Variants in ADAT2 observed in about 807,000 individuals in gnomAD.
ADAT2 encodes tRNA-specific adenosine-34 deaminase catalytic subunit ADAT2.
A neutral mutation model predicts 25.9 loss-of-function variants in ADAT2; 26 were observed. The ratio of observed to expected loss-of-function variants is 1.00; its 90% confidence interval spans 0.74 to 1.39. The LOEUF is 1.39. Among genes scored for constraint, ADAT2 ranks in the 40% most tolerant of loss-of-function variants. The probability of loss-of-function intolerance (pLI) is 0.00; values close to 1 mark genes in which losing one functional copy is unlikely to be tolerated. For missense variants in ADAT2, 220 were observed against 244.8 expected, an observed-to-expected ratio of 0.90 and a Z score of 0.68; for synonymous variants, 76 against 86.8, an observed-to-expected ratio of 0.88 and a Z score of 0.69.
Position 143,425,216 on chromosome 6 carries a change from T to G in ADAT2, c.*3247A>C, listed in dbSNP as rs531380281. The G allele has an allele frequency of 3.3e-5, 5 of 152,152 alleles. No homozygotes were observed. The highest frequency in any genetic ancestry group is 1.2e-4 in the African/African-American group (5 of 41,506). The allele number at this position is 152,152 out of a possible 1,614,324, so 9.4% of individuals were successfully genotyped here. A position where few individuals can be genotyped will look rare whatever the true frequency, so the allele number is the denominator to read the frequency against. ...GAAAGCCAGTGAAAATGTTCTAGAC[T>G]AAAAGAAGCTAAAGGCAGACCGGTG... On this transcript the variant is annotated 3_prime_UTR_variant, in exon 6 of 6. Coordinates refer to ENST00000237283, the MANE Select transcript of ADAT2 (RefSeq NM_182503.3).
rs1778896626 is a variant in ADAT2 at position 143,425,336 on chromosome 6, G to A, written c.*3127C>T. Reference sequence around the variant, plus strand: ...TCAAGACCAGCCTGGGCAACATAGTGAGACCTTGTCTCTACAAAAAAAAAA... The same window carrying A: ...TCAAGACCAGCCTGGGCAACATAGTAAGACCTTGTCTCTACAAAAAAAAAA... On this transcript the variant is annotated 3_prime_UTR_variant, in exon 6 of 6. Coordinates refer to ENST00000237283, the MANE Select transcript of ADAT2 (RefSeq NM_182503.3). The A allele has an allele frequency of 7.0e-6, 1 of 142,426 alleles. No homozygotes were observed. The highest frequency in any genetic ancestry group is 2.8e-5 in the African/African-American group (1 of 35,390). The allele number at this position is 142,426 out of a possible 1,614,324, so 8.8% of individuals were successfully genotyped here.
At position 143,444,666 on chromosome 6, in the gene ADAT2, C is replaced by T. The variant is rs1043539681; in HGVS notation, c.96+5897G>A. The T allele has an allele frequency of 3.7e-5, 6 of 160,550 alleles. No homozygotes were observed. The highest frequency in any genetic ancestry group is 3.5e-4 in the South Asian group (2 of 5,682). The allele number at this position is 160,550 out of a possible 1,614,324, so 9.9% of individuals were successfully genotyped here. A position where few individuals can be genotyped will look rare whatever the true frequency, so the allele number is the denominator to read the frequency against. ...ATCAGATACTATTTAAAAATGGCTA[C>T]AAGGTTTTTCATAAAGTAACAAATG... On this transcript the variant is annotated intron_variant, in intron 1 of 5. Coordinates refer to ENST00000237283, the MANE Select transcript of ADAT2 (RefSeq NM_182503.3). The surrounding 1 kb of genome is among the most constrained non-coding windows in gnomAD (Gnocchi z 4.3).
rs1554279355 is a variant in ADAT2, at chr6:143,442,476, T to TACACATACAC, written c.97-3783_97-3782insGTGTATGTGT. Among the ~76,000 whole-genome samples the TACACATACAC allele has an allele frequency of 7.0e-6, 1 of 142,144 alleles. No homozygotes were observed. The highest frequency in any genetic ancestry group is 2.1e-4 in the East Asian group (1 of 4,828). 93.3% of individuals were successfully genotyped at this position (142,144 alleles called of 152,430 possible). A position where few individuals can be genotyped will look rare whatever the true frequency, so the allele number is the denominator to read the frequency against. ...CATGACAAAATTGCATAGGCACGCA[T>TACACATACAC]ACACACACACACACACACACACACA... On this transcript the variant is annotated intron_variant, in intron 1 of 5. Transcript: ENST00000237283. This position sits in a 1 kb window ranked among gnomAD's most constrained non-coding sequence, Gnocchi z 4.6.
Position 143,434,005 on chromosome 6 carries a change from C to T in ADAT2, c.202-24G>A, listed in dbSNP as rs769869468. The T allele has an allele frequency of 6.2e-7, 1 of 1,612,410 alleles. No individual in the cohort carries two copies. The highest frequency in any genetic ancestry group is 8.5e-7 in the Non-Finnish European group (1 of 1,179,582). On this transcript the variant is annotated intron_variant, in intron 2 of 5. Coordinates refer to ENST00000237283, the MANE Select transcript of ADAT2 (RefSeq NM_182503.3). The surrounding 1 kb of genome is among the most constrained non-coding windows in gnomAD (Gnocchi z 4.5). ...GCCTGAAAAGAGAAAGGGGCTTGCA[C>T]TGATGCTGTTTGCTTCATGTGACTA...
chr6:143,435,934 T>G (rs1779260924), intron 2 of ADAT2, among the ~76,000 whole-genome samples: 1 of 152,206 alleles, frequency 6.6e-6, no homozygotes, highest in African/African-American at 2.4e-5. Context: ...AATTTAAAAA[T>G]GTTAATTCTA....
chr6:143,437,444 A>G lies in ADAT2; in HGVS notation c.201+1146T>C, dbSNP rs1779322150. ...TCCTTTTATTTTCACTTCCCTTGTA[A>G]TATTAGTCTCTCTGTTACTGATTTC... On this transcript the variant is annotated intron_variant, in intron 2 of 5. Coordinates refer to ENST00000237283, the MANE Select transcript of ADAT2 (RefSeq NM_182503.3). This position sits in a 1 kb window ranked among gnomAD's most constrained non-coding sequence, Gnocchi z 4.1. 6.6e-6 allele frequency among the ~76,000 whole-genome samples: 1 copy of G among 152,016 alleles called. No individual in the cohort carries two copies. Among genetic ancestry groups the G allele is most frequent in the East Asian group, 1.9e-4 (1 of 5,180 alleles).
chr6:143,428,685 C>T lies in ADAT2; in HGVS notation c.460-1G>A. 2 of 1,613,800 alleles carry T rather than the reference C, an allele frequency of 1.2e-6. No individual in the cohort carries two copies. Among genetic ancestry groups the T allele is most frequent in the Non-Finnish European group, 1.7e-6 (2 of 1,179,888 alleles). On this transcript the variant is annotated splice_acceptor_variant, in intron 4 of 5. Transcript: ENST00000237283. LOFTEE classifies it high-confidence loss of function. This position sits in a 1 kb window ranked among gnomAD's most constrained non-coding sequence, Gnocchi z 5.0. ...CCTCAGCCCGATATCCAGGGATACA[C>T]TGATGGAATGAGAAAGTTGAGAATA... is the stretch of plus-strand genomic sequence containing the variant.
chr6:143,431,136 A>G (rs1057262356), intron 4 of ADAT2, among the ~76,000 whole-genome samples: 5 of 152,220 alleles, frequency 3.3e-5, no homozygotes. Flanking sequence ...TAAAAAAACC[A>G]TAATTTGGCA....
intron 3 of ADAT2, 95 bp downstream of exon 3, chr6:143,433,736 T>C: frequency 7.7e-7 from 1 of 1,294,476 alleles, no homozygotes; most frequent in Non-Finnish European, 1.0e-6. Flanking sequence ...TTCCTAAGTC[T>C]GTGTTTTCAT....
rs917803343 is a variant in ADAT2 at position 143,444,535 on chromosome 6, A to G, written c.97-5841T>C. On this transcript the variant is annotated intron_variant, in intron 1 of 5. Transcript: ENST00000237283. This position sits in a 1 kb window ranked among gnomAD's most constrained non-coding sequence, Gnocchi z 4.3. Reference sequence around the variant, plus strand: ...CCCAACAACTCTACTGTCAAGTCTGATCACTTCTTCACAAATGCAAAAAAG... The same window carrying G: ...CCCAACAACTCTACTGTCAAGTCTGGTCACTTCTTCACAAATGCAAAAAAG... The G allele has an allele frequency of 1.3e-5, 2 of 154,196 alleles. No homozygotes were observed. Among genetic ancestry groups the G allele is most frequent in the African/African-American group, 4.8e-5 (2 of 41,460 alleles). The allele number at this position is 154,196 out of a possible 1,614,324, so 9.6% of individuals were successfully genotyped here. A position where few individuals can be genotyped will look rare whatever the true frequency, so the allele number is the denominator to read the frequency against.
rs1164834310 is a variant in ADAT2, at chr6:143,442,289, A to C, written c.97-3595T>G. ...ATGGATCTCATGGGAATCATGCTGA[A>C]TGGAGAAAGCCAAGCCAAATGGTTA... On this transcript the variant is annotated intron_variant, in intron 1 of 5. Transcript: ENST00000237283. This position sits in a 1 kb window ranked among gnomAD's most constrained non-coding sequence, Gnocchi z 4.6. 6.6e-6 allele frequency among the ~76,000 whole-genome samples: 1 copy of C among 152,140 alleles called. No homozygotes were observed. Among genetic ancestry groups the C allele is most frequent in the African/African-American group, 2.4e-5 (1 of 41,400 alleles).
Position 143,428,650 on chromosome 6 carries a change from T to C in ADAT2, c.494A>G (p.Glu165Gly), listed in dbSNP as rs1437306969. The change falls in exon 5 of 6, where the codon GAA becomes GGA. Residue 165 changes from glutamate to glycine, a missense_variant. Transcript: ENST00000237283. This position sits in a 1 kb window ranked among gnomAD's most constrained non-coding sequence, Gnocchi z 5.0. ...TTGTTTGTAGAAGGTCTTTAACATTTCCACTGCTTCCTCAGCCCGATATCC... is the reference window on the plus strand; with the variant it reads ...TTGTTTGTAGAAGGTCTTTAACATTCCCACTGCTTCCTCAGCCCGATATCC... ...IPGYRAEEAV[E>G]MLKTFYKQEN... 2 of 1,613,966 alleles carry C rather than the reference T, an allele frequency of 1.2e-6. No homozygotes were observed. Among genetic ancestry groups the C allele is most frequent in the African/African-American group, 2.7e-5 (2 of 74,932 alleles).
intron 1 of ADAT2, among the ~76,000 whole-genome samples, chr6:143,438,928 A>T (rs1779375235): frequency 2.0e-5 from 3 of 152,168 alleles, no homozygotes; most frequent in Non-Finnish European, 4.4e-5. Context: ...AGAGCCCCTG[A>T]TGTCTTCTCA....
intron 3 of ADAT2, 65 bp downstream of exon 3, chr6:143,433,766 G>T: frequency 6.8e-7 from 1 of 1,475,066 alleles, no homozygotes; most frequent in Non-Finnish European, 9.1e-7. Context: ...AACAGGCTAC[G>T]TGTTTGGCCA....
intron 1 of ADAT2, among the ~76,000 whole-genome samples, chr6:143,445,922 T>A (rs1356600122): frequency 6.6e-6 from 1 of 152,062 alleles, no homozygotes. Flanking sequence ...ATGCACACTA[T>A]AAAAAAATAC....
At position 143,434,560 on chromosome 6, in the gene ADAT2, T is replaced by A. The variant is rs1226150037; in HGVS notation, c.202-579A>T. Among the ~76,000 whole-genome samples, 1 of 152,224 alleles carries A rather than the reference T, an allele frequency of 6.6e-6. No homozygotes were observed. Among genetic ancestry groups the A allele is most frequent in the Non-Finnish European group, 1.5e-5 (1 of 68,044 alleles). On this transcript the variant is annotated intron_variant, in intron 2 of 5. Transcript: ENST00000237283. The surrounding 1 kb of genome is among the most constrained non-coding windows in gnomAD (Gnocchi z 4.5). Reference sequence around the variant, plus strand: ...GGAGAAATCACATAGCATGTGGAAGTGACTCCATTTAAATTTGAATTTTGA... The same window carrying A: ...GGAGAAATCACATAGCATGTGGAAGAGACTCCATTTAAATTTGAATTTTGA...
chr6:143,443,995 C>A (rs953414080), intron 1 of ADAT2, among the ~76,000 whole-genome samples: 4 of 151,980 alleles, frequency 2.6e-5, no homozygotes, highest in African/African-American at 9.7e-5. Context: ...GTGGAAAGGA[C>A]GTGAGTGGGA....
rs1437125970 is a variant in ADAT2 at position 143,424,273 on chromosome 6, G to C, written c.*4190C>G. On this transcript the variant is annotated 3_prime_UTR_variant, in exon 6 of 6. Transcript: ENST00000237283. The surrounding 1 kb of genome is among the most constrained non-coding windows in gnomAD (Gnocchi z 4.8). ...CCAAAAGGCAGAGAAACCAATTCCT[G>C]GTGTCTGGTTTCCCTGGGGCTATAA... is the stretch of plus-strand genomic sequence containing the variant. 1 of 152,182 alleles carries C rather than the reference G, an allele frequency of 6.6e-6. No individual in the cohort carries two copies. Among genetic ancestry groups the C allele is most frequent in the African/African-American group, 2.4e-5 (1 of 41,442 alleles). The allele number at this position is 152,182 out of a possible 1,614,324, so 9.4% of individuals were successfully genotyped here.
At position 143,436,488 on chromosome 6, in the gene ADAT2, G is replaced by A. The variant is rs1376600254; in HGVS notation, c.201+2102C>T. The A allele has an allele frequency of 2.4e-5, 7 of 290,952 alleles. No individual in the cohort carries two copies. The highest frequency in any genetic ancestry group is 6.7e-5 in the African/African-American group (3 of 44,774). The allele number at this position is 290,952 out of a possible 1,614,324, so 18.0% of individuals were successfully genotyped here. On this transcript the variant is annotated intron_variant, in intron 2 of 5. Coordinates refer to ENST00000237283, the MANE Select transcript of ADAT2 (RefSeq NM_182503.3). The surrounding 1 kb of genome is among the most constrained non-coding windows in gnomAD (Gnocchi z 4.1). Reference sequence around the variant, plus strand: ...CCACCACTTTCATCAGTAACAACACGGCCATCCAGGAGCTGCTCAGAGACG... The same window carrying A: ...CCACCACTTTCATCAGTAACAACACAGCCATCCAGGAGCTGCTCAGAGACG...
Sources: gnomAD v4.1 joint callset for allele counts (sites outside exome capture counted in the v4.1 genomes callset) on GRCh38, gnomAD v4.1.1 for gene constraint, Gnocchi (gnomAD v3.1) non-coding constraint, MANE v1.5 for transcripts, NCBI Gene and HGNC (gene_info 2026-07-23, HGNC 2026-07-21) for gene names.